Variants in LRRC9 observed in about 807,000 individuals in gnomAD.
LRRC9 encodes the protein leucine rich repeat containing 9.
LRRC9 carries 122 observed loss-of-function variants against 63.2 expected under a neutral mutation model. The ratio of observed to expected loss-of-function variants is 1.93; its 90% CI spans 1.67 to 2.24. LRRC9 has a LOEUF of 2.24. LRRC9 is among the 30% of genes most tolerant of loss of function. The pLI is 0.00. For synonymous variants in LRRC9, 366 were observed against 213.1 expected (o/e 1.72, Z -6.25); for missense variants, 1,071 against 627.7 (o/e 1.71, Z -7.55).
intron 30 of LRRC9, among the ~76,000 whole-genome samples, chr14:60,055,325 C>T (rs1256311093): frequency 1.3e-5 from 2 of 152,172 alleles, no homozygotes; most frequent in African/African-American, 2.4e-5. Flanking sequence ...CATCTAATGT[C>T]ATCTACTCAA....
At position 60,053,412 on chromosome 14, in the gene LRRC9, CACACACACAT is replaced by C. The variant is rs67993893; in HGVS notation, c.4131+209_4131+218del. ...ACACACACACACACACACACACACA[CACACACACAT>C]ATATATGTAAGTCAGGGAACATCCT... On this transcript the variant is annotated intron_variant, in intron 30 of 31. Transcript: ENST00000445360. This position sits in a 1 kb window ranked among gnomAD's most constrained non-coding sequence, Gnocchi z 4.8. Among the ~76,000 whole-genome samples the C allele has an allele frequency of 0.21, 25,561 of 120,072 alleles. 2,746 individuals carry two copies. The highest frequency in any genetic ancestry group is 0.48 in the East Asian group (2,366 of 4,966). 78.8% of individuals were successfully genotyped at this position (120,072 alleles called of 152,430 possible).
intron 1 of LRRC9, among the ~76,000 whole-genome samples, chr14:59,925,387 G>A (rs1249337247): frequency 6.6e-6 from 1 of 152,144 alleles, no homozygotes; most frequent in African/African-American, 2.4e-5. Context: ...TGGAGAGAAG[G>A]AACAGTATGT....
intron 29 of LRRC9, among the ~76,000 whole-genome samples, chr14:60,040,217 T>C (rs763466215): frequency 2.4e-4 from 37 of 152,090 alleles, no homozygotes; most frequent in Admixed American, 6.5e-4. Flanking sequence ...GGTGTGGTGC[T>C]GAGAAGAATG....
exon 12 of LRRC9, chr14:59,967,179 T>C (rs533127691): frequency 6.3e-6 from 4 of 632,010 alleles, no homozygotes; most frequent in Admixed American, 2.0e-5. Flanking sequence ...CTACAAATAC[T>C]TGAAAAAGGA....
At chr14:60,050,654 G>T (rs1378072016) in intron 29 of LRRC9, among the ~76,000 whole-genome samples, 1 of 152,060 alleles carries the variant, frequency 6.6e-6, no homozygotes, top group Non-Finnish European at 1.5e-5. Context: ...GAGGCACTCT[G>T]GCTTTTTGTG....
chr14:59,979,273 A>G (rs746361390), intron 15 of LRRC9, among the ~76,000 whole-genome samples: 2 of 152,172 alleles, frequency 1.3e-5, no homozygotes, highest in Non-Finnish European at 2.9e-5. Context: ...AAAATCATTT[A>G]TCTTATATAT....
At chr14:59,972,473 T>C (rs1334700232) in intron 12 of LRRC9, among the ~76,000 whole-genome samples, 7 of 152,072 alleles carry the variant, frequency 4.6e-5, no homozygotes, top group Admixed American at 2.0e-4. Context: ...ATGTTTCATA[T>C]TAGTTTTGTT....
intron 31 of LRRC9, among the ~76,000 whole-genome samples, chr14:60,059,915 C>A (rs1595133871): frequency 6.6e-6 from 1 of 152,190 alleles, no homozygotes; most frequent in Non-Finnish European, 1.5e-5. Flanking sequence ...AATGTAGATG[C>A]AACAGCCTTA....
chr14:60,063,298 A>T (rs1416882640), intron 31 of LRRC9, 25 bp from the exon 33 acceptor site: 1 of 698,892 alleles, frequency 1.4e-6, no homozygotes, highest in East Asian at 2.7e-5. Context: ...CCACTATTTG[A>T]CTAATTAAAT....
chr14:60,027,897 C>T lies in LRRC9; in HGVS notation c.3717C>T (p.Ser1239=). The T allele has an allele frequency of 2.9e-6, 2 of 698,868 alleles. No homozygotes were observed. Among genetic ancestry groups the T allele is most frequent in the Admixed American group, 4.0e-5 (2 of 49,442 alleles). 43.3% of individuals were successfully genotyped at this position (698,868 alleles called of 1,614,324 possible). ...ATCTCTTTTTAGGTAATGAAATCAGCCAAGTTGAAGGGCTTGACAACTTAG... is the reference window on the plus strand; with the variant it reads ...ATCTCTTTTTAGGTAATGAAATCAGTCAAGTTGAAGGGCTTGACAACTTAG... Residue 1239 remains serine, a synonymous_variant, in exon 28 of 32, where the codon AGC becomes AGT. Coordinates refer to ENST00000445360, the Ensembl canonical transcript of LRRC9. The surrounding 1 kb of genome is among the most constrained non-coding windows in gnomAD (Gnocchi z 4.0).
intron 9 of LRRC9, among the ~76,000 whole-genome samples, chr14:59,960,705 A>C (rs554544509): frequency 6.6e-6 from 1 of 152,352 alleles, no homozygotes; most frequent in South Asian, 2.1e-4. Flanking sequence ...TCTAGCCTTC[A>C]CATATTCTGA....
chr14:59,962,777 A>G lies in LRRC9; in HGVS notation c.1211+1732A>G, dbSNP rs951144144. 1.0e-4 allele frequency among the ~76,000 whole-genome samples: 15 copies of G among 142,874 alleles called. 1 individual carries two copies. Among genetic ancestry groups the G allele is most frequent in the Admixed American group, 7.1e-4 (10 of 14,020 alleles). The allele number at this position is 142,874 out of a possible 152,430, so 93.7% of individuals were successfully genotyped here. On this transcript the variant is annotated intron_variant, in intron 10 of 31. Transcript: ENST00000445360. The surrounding 1 kb of genome is among the most constrained non-coding windows in gnomAD (Gnocchi z 5.1). ...GGAAACTCTTTGCAACAAGTGGATTAGTGAAAAAAAAAAAAATGTAAAAGC... is the reference window on the plus strand; with the variant it reads ...GGAAACTCTTTGCAACAAGTGGATTGGTGAAAAAAAAAAAAATGTAAAAGC...
chr14:59,929,418 A>G (rs1354636445), intron 3 of LRRC9, among the ~76,000 whole-genome samples: 1 of 151,692 alleles, frequency 6.6e-6, no homozygotes, highest in Non-Finnish European at 1.5e-5. Context: ...AAAAGTCAAA[A>G]AAAAAATAAC....
intron 26 of LRRC9, among the ~76,000 whole-genome samples, chr14:60,019,529 C>T (rs1364611716): frequency 2.0e-5 from 3 of 151,816 alleles, no homozygotes; most frequent in Non-Finnish European, 4.4e-5. Flanking sequence ...AAACAAAAGG[C>T]CTTGTACTGC....
chr14:59,937,111 T>G (rs1360208651), intron 6 of LRRC9, among the ~76,000 whole-genome samples: 1 of 150,640 alleles, frequency 6.6e-6, no homozygotes, highest in African/African-American at 2.4e-5. Context: ...GTGTTCTAAG[T>G]GCTGAGTGTT....
rs1887949438 is a variant in LRRC9 at position 59,990,355 on chromosome 14, A to G, written c.2211+5131A>G. 6.6e-6 allele frequency among the ~76,000 whole-genome samples: 1 copy of G among 152,172 alleles called. No homozygotes were observed. The highest frequency in any genetic ancestry group is 1.5e-5 in the Non-Finnish European group (1 of 68,026). On this transcript the variant is annotated intron_variant, in intron 17 of 31. Coordinates refer to ENST00000445360, the Ensembl canonical transcript of LRRC9. The surrounding 1 kb of genome is among the most constrained non-coding windows in gnomAD (Gnocchi z 4.2). Reference sequence around the variant, plus strand: ...CTAGTGGAATAGTTTTTAGATTCACAGGGGCTCGACTGCTCCAGGGACTGC... The same window carrying G: ...CTAGTGGAATAGTTTTTAGATTCACGGGGGCTCGACTGCTCCAGGGACTGC...
intron 12 of LRRC9, among the ~76,000 whole-genome samples, chr14:59,970,703 T>C (rs1305448138): frequency 6.6e-6 from 1 of 152,226 alleles, no homozygotes; most frequent in Non-Finnish European, 1.5e-5. Context: ...CTTTTTTTCT[T>C]ATGCTTATTG....
intron 1 of LRRC9, among the ~76,000 whole-genome samples, chr14:59,924,685 C>A (rs1021403869): frequency 6.6e-6 from 1 of 152,156 alleles, no homozygotes; most frequent in Non-Finnish European, 1.5e-5. Flanking sequence ...TCTTGTTACT[C>A]TTCAACTCAA....
At chr14:59,939,006 T>C (rs959593255) in intron 7 of LRRC9, among the ~76,000 whole-genome samples, 47 of 114,130 alleles carry the variant, frequency 4.1e-4, no homozygotes, top group African/African-American at 1.5e-3. Flanking sequence ...TACATATACA[T>C]ATATACACAT....
Sources: gnomAD v4.1 joint callset for allele counts (sites outside exome capture counted in the v4.1 genomes callset) on GRCh38, gnomAD v4.1.1 for gene constraint, Gnocchi (gnomAD v3.1) non-coding constraint, MANE v1.5 for transcripts, NCBI Gene and HGNC (gene_info 2026-07-23, HGNC 2026-07-21) for gene names.